Variants in DOCK1 observed in about 807,000 individuals in gnomAD.
DOCK1 encodes dedicator of cytokinesis protein 1.
Under a neutral mutation model 262.7 loss-of-function variants are expected in DOCK1, and 138 were observed. That is an observed-to-expected ratio of 0.53 (90% CI 0.46 to 0.61). The LOEUF is 0.61. Ranked by LOEUF, DOCK1 falls within the 20% of genes least tolerant of loss-of-function variation. The probability of loss-of-function intolerance (pLI) is 0.00; values close to 1 mark genes in which losing one functional copy is unlikely to be tolerated. For synonymous variants in DOCK1, 866 were observed against 867.4 expected (o/e 1.00, Z 0.03); for missense variants, 1,908 against 2,370.7 (o/e 0.80, Z 4.05).
At chr10:127,339,614 AGTGT>A (rs1400897768) in intron 30 of DOCK1, among the ~76,000 whole-genome samples, 1 of 143,730 alleles carries the variant, frequency 7.0e-6, no homozygotes, top group African/African-American at 2.7e-5. Flanking sequence ...AGAGAGAGAG[AGTGT>A]GTGTGTTTGT....
At chr10:127,059,723 C>G (rs1387768328) in intron 22 of DOCK1, among the ~76,000 whole-genome samples, 2 of 152,016 alleles carry the variant, frequency 1.3e-5, no homozygotes, top group African/African-American at 4.8e-5. Context: ...TCCCTGTTCT[C>G]AAATATGATT....
chr10:127,307,282 C>G (rs1252159819), intron 29 of DOCK1, among the ~76,000 whole-genome samples: 2 of 152,150 alleles, frequency 1.3e-5, no homozygotes, highest in Non-Finnish European at 2.9e-5. Context: ...CTGGGCTGGC[C>G]TCATCAAGTG....
intron 47 of DOCK1, among the ~76,000 whole-genome samples, chr10:127,430,822 G>A (rs1246794611): frequency 2.0e-5 from 3 of 152,170 alleles, no homozygotes; most frequent in Admixed American, 1.3e-4. Context: ...CAAGACTCTG[G>A]GCAGTAAACA....
At chr10:127,353,624 G>A (rs1007554336) in intron 31 of DOCK1, among the ~76,000 whole-genome samples, 18 of 152,220 alleles carry the variant, frequency 1.2e-4, no homozygotes, top group African/African-American at 4.3e-4. Context: ...TCCTGGTAGG[G>A]AGTGGCCTAG....
intron 23 of DOCK1, among the ~76,000 whole-genome samples, chr10:127,071,513 T>C (rs542399264): frequency 9.6e-4 from 147 of 152,368 alleles, no homozygotes; most frequent in African/African-American, 3.3e-3. Flanking sequence ...AGTATTTCTA[T>C]TGGTTTTCTT....
intron 29 of DOCK1, among the ~76,000 whole-genome samples, chr10:127,337,990 T>C (rs927686019): frequency 2.0e-5 from 3 of 152,200 alleles, no homozygotes; most frequent in Non-Finnish European, 4.4e-5. Flanking sequence ...CACTGCCTTT[T>C]AGCGGCTGTG....
chr10:127,024,906 C>A (rs548433841), intron 15 of DOCK1, 123 bp downstream of exon 15: 7 of 739,214 alleles, frequency 9.5e-6, no homozygotes, highest in African/African-American at 5.3e-5. Flanking sequence ...GAGTGTCTCC[C>A]AACAAAGTCA....
At chr10:126,984,531 G>A (rs1047555670) in intron 4 of DOCK1, among the ~76,000 whole-genome samples, 6 of 150,126 alleles carry the variant, frequency 4.0e-5, no homozygotes, top group East Asian at 2.0e-4. Flanking sequence ...GTGTGTGTGT[G>A]TGTGTTTTTT....
At chr10:127,203,898 G>A (rs1386231240) in intron 27 of DOCK1, among the ~76,000 whole-genome samples, 1 of 148,272 alleles carries the variant, frequency 6.7e-6, no homozygotes. Context: ...ACACAATTTT[G>A]ATTTTTTTTT....
chr10:127,036,810 C>G (rs986692461), intron 18 of DOCK1, among the ~76,000 whole-genome samples: 1 of 151,644 alleles, frequency 6.6e-6, no homozygotes, highest in African/African-American at 2.4e-5. Flanking sequence ...CCTGTCTCCA[C>G]TAAAACTACA....
intron 29 of DOCK1, among the ~76,000 whole-genome samples, chr10:127,316,072 G>T (rs1449489484): frequency 6.6e-6 from 1 of 152,152 alleles, no homozygotes; most frequent in Non-Finnish European, 1.5e-5. Flanking sequence ...ACAATGGGAT[G>T]TGTTGATACA....
At chr10:127,350,306 A>ACC (rs1554953669) in intron 31 of DOCK1, among the ~76,000 whole-genome samples, 1,508 of 119,230 alleles carry the variant, frequency 0.013, 19 homozygotes, top group African/African-American at 0.043. Flanking sequence ...CTCACGGTGC[A>ACC]CCCCTCACCC....
Position 127,352,979 on chromosome 10 carries a change from G to A in DOCK1, c.3225-1690G>A, listed in dbSNP as rs1484624690. Among the ~76,000 whole-genome samples the A allele has an allele frequency of 2.0e-5, 3 of 152,212 alleles. No homozygotes were observed. In the East Asian group the frequency reaches 5.8e-4, roughly 29 times the overall value. On this transcript the variant is annotated intron_variant, in intron 31 of 51. Transcript: ENST00000623213. ...TGAGAAGCATGTGCAGAGCTTGAGT[G>A]GGTCAGTACATGCTAGGCCGATCCC... is the stretch of plus-strand genomic sequence containing the variant.
intron 28 of DOCK1, among the ~76,000 whole-genome samples, chr10:127,251,129 A>AT (rs572430643): frequency 5.0e-4 from 75 of 151,192 alleles, no homozygotes; most frequent in African/African-American, 1.8e-3. Flanking sequence ...CACCCGGCTA[A>AT]TTTTTTTTGT....
At chr10:127,204,535 C>G (rs1399315542) in intron 27 of DOCK1, among the ~76,000 whole-genome samples, 1 of 152,098 alleles carries the variant, frequency 6.6e-6, no homozygotes, top group Admixed American at 6.5e-5. Flanking sequence ...AATCCACCTG[C>G]CTCAGTCTCC....
rs958987422 is a variant in DOCK1, at chr10:126,995,246, G to A, written c.474-1502G>A. Among the ~76,000 whole-genome samples, 10 of 152,180 alleles carry A rather than the reference G, an allele frequency of 6.6e-5. No homozygotes were observed. The highest frequency in any genetic ancestry group is 1.2e-4 in the Non-Finnish European group (8 of 68,044). Reference sequence around the variant, plus strand: ...TCACTTCCCAGACGGGGTGGCGGCCGGGCAGAGGCTGCAATCTCGGCACTT... The same window carrying A: ...TCACTTCCCAGACGGGGTGGCGGCCAGGCAGAGGCTGCAATCTCGGCACTT... On this transcript the variant is annotated intron_variant, in intron 6 of 51. Transcript: ENST00000623213. The surrounding 1 kb of genome is among the most constrained non-coding windows in gnomAD (Gnocchi z 5.8).
rs377731543 is a variant in DOCK1 at position 127,149,578 on chromosome 10, C to A, written c.2847+21814C>A. Among the ~76,000 whole-genome samples the A allele has an allele frequency of 5.3e-5, 8 of 152,304 alleles. No homozygotes were observed. In the East Asian group the frequency reaches 1.5e-3, roughly 29 times the overall value. The stretch of plus-strand genomic sequence containing the variant: ...TCCCTGGGCCAGGCATTACTGGAAA[C>A]ACGGTGGATAGCTATGCTGCTCGGA... On this transcript the variant is annotated intron_variant, in intron 27 of 51. Transcript: ENST00000623213.
intron 27 of DOCK1, among the ~76,000 whole-genome samples, chr10:127,202,307 A>G (rs1297720872): frequency 3.3e-5 from 5 of 151,326 alleles, no homozygotes; most frequent in African/African-American, 9.7e-5. Context: ...TGGGTGACAG[A>G]GCGAGACTCT....
In DOCK1 at chr10:127,151,785, C is replaced by T. The variant is rs530267675; in HGVS notation, c.2847+24021C>T. 1.7e-4 allele frequency among the ~76,000 whole-genome samples: 26 copies of T among 152,294 alleles called. 1 individual carries two copies. The South Asian group carries it at 4.8e-3, about 28-fold the overall frequency. On this transcript the variant is annotated intron_variant, in intron 27 of 51. Coordinates refer to ENST00000623213, the MANE Select transcript of DOCK1 (RefSeq NM_001290223.2). ...CAAATTCCTGTGGTGCTTGGTCACTCGCAGTTCTTCTAGCAAGTGGACCAG... is the reference window on the plus strand; with the variant it reads ...CAAATTCCTGTGGTGCTTGGTCACTTGCAGTTCTTCTAGCAAGTGGACCAG...
Sources: allele counts gnomAD v4.1 joint callset (sites outside exome capture counted in the v4.1 genomes callset), GRCh38; gene constraint gnomAD v4.1.1; non-coding constraint Gnocchi (gnomAD v3.1); transcripts MANE v1.5; gene names NCBI Gene and HGNC (gene_info 2026-07-23, HGNC 2026-07-21).